RASGRF1: variants seen among roughly 807,000 people sequenced by gnomAD.
RASGRF1 encodes the protein ras-specific guanine nucleotide-releasing factor 1.
Under a neutral mutation model 138.7 loss-of-function variants are expected in RASGRF1, and 40 were observed. The observed-to-expected ratio is 0.29, with a 90% CI of 0.22 to 0.38. RASGRF1 has a LOEUF of 0.38. Among genes scored for constraint, RASGRF1 ranks in the 10% least tolerant of loss-of-function variants. The pLI is 1.00. For missense variants in RASGRF1, 1,108 were observed against 1,650.4 expected (o/e 0.67, Z 5.69); for synonymous variants, 614 against 663.2 (o/e 0.93, Z 1.14).
intron 5 of RASGRF1, among the ~76,000 whole-genome samples, chr15:79,035,640 G>A (rs1468784418): frequency 6.6e-6 from 1 of 152,218 alleles, no homozygotes; most frequent in African/African-American, 2.4e-5. Context: ...ATGGATCAAC[G>A]GAAGAGCTAG....
At chr15:78,994,711 T>C (rs2141671989) in intron 20 of RASGRF1, among the ~76,000 whole-genome samples, 1 of 152,272 alleles carries the variant, frequency 6.6e-6, no homozygotes, top group South Asian at 2.1e-4. Flanking sequence ...AGCTTGGATT[T>C]GTTCATGGTG....
intron 1 of RASGRF1, among the ~76,000 whole-genome samples, chr15:79,068,234 C>T (rs965337754): frequency 2.6e-5 from 4 of 152,082 alleles, no homozygotes; most frequent in African/African-American, 9.7e-5. Flanking sequence ...GCTCTTAGCC[C>T]AGGGTCCTTC....
At chr15:78,979,796 G>A (rs1203410548) in intron 24 of RASGRF1, among the ~76,000 whole-genome samples, 1 of 152,236 alleles carries the variant, frequency 6.6e-6, no homozygotes, top group Admixed American at 6.5e-5. Context: ...CCGTCCACGT[G>A]GCCTTGGACC....
At chr15:79,017,619 G>A (rs2056897562) in intron 12 of RASGRF1, 151 bp downstream of exon 12, 1 of 1,046,944 alleles carries the variant, frequency 9.6e-7, no homozygotes, top group Non-Finnish European at 1.3e-6. Context: ...GCTTTGGGTA[G>A]GGCTGTGGAC....
chr15:78,968,957 G>C (rs761922987), intron 26 of RASGRF1, among the ~76,000 whole-genome samples: 3 of 152,066 alleles, frequency 2.0e-5, no homozygotes, highest in Non-Finnish European at 4.4e-5. Flanking sequence ...CCCTACTCTT[G>C]CTATCTCCTC....
intron 1 of RASGRF1, among the ~76,000 whole-genome samples, chr15:79,076,741 C>T (rs1451929288): frequency 6.6e-6 from 1 of 152,218 alleles, no homozygotes; most frequent in Non-Finnish European, 1.5e-5. Context: ...TTAACTACCG[C>T]TGTGTTTCTT....
At chr15:78,983,534 G>A (rs981529523) in intron 23 of RASGRF1, among the ~76,000 whole-genome samples, 13 of 152,218 alleles carry the variant, frequency 8.5e-5, no homozygotes, top group African/African-American at 3.1e-4. Flanking sequence ...CCTAAGTGGG[G>A]TGGGAAACTG....
intron 18 of RASGRF1, 41 bp downstream of exon 18, chr15:78,998,678 G>A: frequency 6.6e-7 from 1 of 1,521,244 alleles, no homozygotes; most frequent in Non-Finnish European, 9.1e-7. Context: ...GCCATTGCCT[G>A]GTGGTCCCCA....
rs545572366 is a variant in RASGRF1 at position 79,009,056 on chromosome 15, G to A, written c.1827-2622C>T. ...CGCACTCTCAGGCCCAAACCTTGAT[G>A]TGATTCTGCTTCAGTGTCACTTCTC... On this transcript the variant is annotated intron_variant, in intron 13 of 26. Transcript: ENST00000558480. 1.1e-3 allele frequency among the ~76,000 whole-genome samples: 160 copies of A among 152,272 alleles called. 2 individuals are homozygous for A. The highest frequency in any genetic ancestry group is 1.7e-3 in the Non-Finnish European group (117 of 68,020).
intron 4 of RASGRF1, among the ~76,000 whole-genome samples, chr15:79,049,161 G>A (rs1465188999): frequency 6.6e-6 from 1 of 152,124 alleles, no homozygotes; most frequent in Non-Finnish European, 1.5e-5. Flanking sequence ...TGGGGGTCTT[G>A]GCAAGGTGAA....
At position 79,006,480 on chromosome 15, in the gene RASGRF1, T is replaced by A. The variant is rs1261621288; in HGVS notation, c.1827-46A>T. ...CAGAGGTGATGTGGGTCTAAAGGCA[T>A]CTGAATGGCACCCACCAGGCCTGCT... On this transcript the variant is annotated intron_variant, in intron 13 of 26. Coordinates refer to ENST00000558480, the MANE Select transcript of RASGRF1 (RefSeq NM_001145648.3). The surrounding 1 kb of genome is among the most constrained non-coding windows in gnomAD (Gnocchi z 4.0). The A allele has an allele frequency of 6.3e-7, 1 of 1,579,794 alleles. No individual in the cohort carries two copies. Among genetic ancestry groups the A allele is most frequent in the African/African-American group, 1.3e-5 (1 of 74,586 alleles).
intron 5 of RASGRF1, among the ~76,000 whole-genome samples, chr15:79,045,533 A>G (rs927072747): frequency 6.6e-6 from 1 of 152,232 alleles, no homozygotes; most frequent in Non-Finnish European, 1.5e-5. Flanking sequence ...GAAAGGTCTC[A>G]TGAGGCCAAA....
chr15:79,020,733 G>A (rs1428320012), intron 10 of RASGRF1, among the ~76,000 whole-genome samples: 1 of 152,214 alleles, frequency 6.6e-6, no homozygotes, highest in Non-Finnish European at 1.5e-5. Context: ...TGGGTAGGAG[G>A]TCCCTTAACA....
At chr15:79,090,169 C>T (rs1333186190) in intron 1 of RASGRF1, 54 bp downstream of exon 1, 3 of 1,513,238 alleles carry the variant, frequency 2.0e-6, no homozygotes, top group Non-Finnish European at 2.6e-6. Flanking sequence ...AGGCCCTGAG[C>T]CCCCAGGGCC....
At position 79,090,543 on chromosome 15, in the gene RASGRF1, G is replaced by A. The variant is rs367989649; in HGVS notation, c.-45C>T. On this transcript the variant is annotated 5_prime_UTR_variant, in exon 1 of 27. Transcript: ENST00000558480. Reference sequence around the variant, plus strand: ...GACCCCACGCGCTTACATCTTCTCCGCGCAGCAGCCCCCCGTCCGTGCGCG... The same window carrying A: ...GACCCCACGCGCTTACATCTTCTCCACGCAGCAGCCCCCCGTCCGTGCGCG... 2.5e-6 allele frequency: 4 copies of A among 1,590,792 alleles called. No individual in the cohort carries two copies. Among genetic ancestry groups the A allele is most frequent in the East Asian group, 2.2e-5 (1 of 44,532 alleles).
intron 1 of RASGRF1, among the ~76,000 whole-genome samples, chr15:79,074,713 AG>A (rs879705812): frequency 6.6e-6 from 1 of 152,218 alleles, no homozygotes; most frequent in Non-Finnish European, 1.5e-5. Context: ...AGCCTCATTC[AG>A]GGACTCCCCA....
chr15:78,999,263 G>A (rs545524385), intron 17 of RASGRF1, among the ~76,000 whole-genome samples: 9 of 152,288 alleles, frequency 5.9e-5, no homozygotes, highest in South Asian at 2.1e-4. Context: ...AGCAAAGGGC[G>A]ATGGGTGGGA....
intron 24 of RASGRF1, among the ~76,000 whole-genome samples, chr15:78,979,699 C>T (rs1467518365): frequency 1.3e-5 from 2 of 152,170 alleles, no homozygotes; most frequent in Non-Finnish European, 2.9e-5. Context: ...TGGGAGAGCT[C>T]GTCTGGAGCC....
intron 13 of RASGRF1, among the ~76,000 whole-genome samples, chr15:79,014,984 C>T (rs1381549985): frequency 6.6e-6 from 1 of 150,988 alleles, no homozygotes; most frequent in African/African-American, 2.4e-5. Flanking sequence ...AAAAAGGCTA[C>T]AAATTGGGGT....
Sources: allele counts gnomAD v4.1 joint callset (sites outside exome capture counted in the v4.1 genomes callset), GRCh38; gene constraint gnomAD v4.1.1; non-coding constraint Gnocchi (gnomAD v3.1); transcripts MANE v1.5; gene names NCBI Gene and HGNC (gene_info 2026-07-23, HGNC 2026-07-21).